IFT81: variants seen among roughly 807,000 people sequenced by gnomAD.
The protein encoded by IFT81 is intraflagellar transport 81.
Under a neutral mutation model 102.6 loss-of-function variants are expected in IFT81, and 72 were observed. The ratio of observed to expected loss-of-function variants is 0.70; its 90% CI spans 0.58 to 0.85. The LOEUF (loss-of-function observed/expected upper bound fraction) is 0.85, where lower values mean the gene tolerates loss of function less well. IFT81 is among the 40% of genes least tolerant of loss of function. The pLI is 0.00. For missense variants in IFT81, 723 were observed against 787.3 expected (o/e 0.92, Z 0.98); for synonymous variants, 237 against 242.7 (o/e 0.98, Z 0.22).
At chr12:110,200,244 A>G (rs1273960406) in intron 14 of IFT81, among the ~76,000 whole-genome samples, 1 of 152,224 alleles carries the variant, frequency 6.6e-6, no homozygotes, top group East Asian at 1.9e-4. Flanking sequence ...CAAACACCAT[A>G]GAGTGTACTT....
chr12:110,176,634 A>G (rs1183027712), intron 11 of IFT81, among the ~76,000 whole-genome samples: 2 of 152,214 alleles, frequency 1.3e-5, no homozygotes, highest in African/African-American at 4.8e-5. Flanking sequence ...GGAAGAAAAA[A>G]CATTGATAAT....
intron 10 of IFT81, among the ~76,000 whole-genome samples, chr12:110,150,890 C>T (rs1034519556): frequency 1.3e-5 from 2 of 152,104 alleles, no homozygotes; most frequent in African/African-American, 4.8e-5. Flanking sequence ...ACTCATATCT[C>T]ACTTCTTAGG....
chr12:110,136,797 T>C lies in IFT81; in HGVS notation c.718T>C (p.Leu240=), dbSNP rs1164392600. 1 of 1,611,590 alleles carries C rather than the reference T, an allele frequency of 6.2e-7. No homozygotes were observed. Among genetic ancestry groups the C allele is most frequent in the Admixed American group, 1.7e-5 (1 of 59,926 alleles). The change falls in exon 8 of 19, where the codon TTG becomes CTG. Residue 240 remains leucine (L), a synonymous_variant. Transcript: ENST00000242591. ...AAAGCTATTTCATGCAGTGCAAAGA[T>C]TGCAAAGAGTACAAAACCAGCTGAA... ...KNQLFHAVQR[L]QRVQNQLKSM...
chr12:110,126,235 G>A (rs1054594996), intron 1 of IFT81, among the ~76,000 whole-genome samples: 19 of 147,894 alleles, frequency 1.3e-4, no homozygotes, highest in Admixed American at 9.0e-4. Context: ...CCAAGATCGC[G>A]CCACTGCACT....
rs139843179 is a variant in IFT81, at chr12:110,167,280, C to A, written c.1188+4215C>A. Among the ~76,000 whole-genome samples, 221 of 152,204 alleles carry A rather than the reference C, an allele frequency of 1.5e-3. 1 individual carries two copies. The highest frequency in any genetic ancestry group is 5.1e-3 in the African/African-American group (213 of 41,536). Reference sequence around the variant, plus strand: ...AACATTTTATTTTCATAAAGTAAGGCAGTACACAGGAATAAGCACAGGCAT... The same window carrying A: ...AACATTTTATTTTCATAAAGTAAGGAAGTACACAGGAATAAGCACAGGCAT... On this transcript the variant is annotated intron_variant, in intron 11 of 18. Coordinates refer to ENST00000242591, the MANE Select transcript of IFT81 (RefSeq NM_014055.4).
intron 11 of IFT81, 80 bp downstream of exon 11, chr12:110,163,145 G>A (rs954703748): frequency 2.7e-6 from 3 of 1,098,620 alleles, no homozygotes; most frequent in African/African-American, 3.1e-5. Context: ...CTTTCTTAGT[G>A]TGAATGTTAA....
intron 8 of IFT81, among the ~76,000 whole-genome samples, chr12:110,140,243 G>A (rs1894806432): frequency 6.6e-6 from 1 of 152,122 alleles, no homozygotes; most frequent in Non-Finnish European, 1.5e-5. Context: ...CACACATTAA[G>A]TATTTGTCTG....
intron 10 of IFT81, among the ~76,000 whole-genome samples, chr12:110,154,907 GTTGT>G (rs1361794156): frequency 6.6e-6 from 1 of 151,182 alleles, no homozygotes; most frequent in South Asian, 2.1e-4. Context: ...GATTTATTTT[GTTGT>G]TTAAGTCCTG....
chr12:110,218,100 A>G lies in IFT81; in HGVS notation c.1905A>G (p.Gln635=), dbSNP rs1870369991. The G allele has an allele frequency of 6.2e-7, 1 of 1,605,324 alleles. No individual in the cohort carries two copies. Among genetic ancestry groups the G allele is most frequent in the Non-Finnish European group, 8.5e-7 (1 of 1,177,702 alleles). The change falls in exon 19 of 19, where the codon CAA becomes CAG. Residue 635 remains glutamine (Q), a synonymous_variant. Transcript: ENST00000242591. ...AAAGTCATGGTCCAAATATGAAACA[A>G]GCAAAAATGTGGCGTGATTTGGAAC... is the stretch of plus-strand genomic sequence containing the variant. ...IRESHGPNMK[Q]AKMWRDLEQL...
chr12:110,198,058 TGTTA>T (rs1377397633), intron 14 of IFT81, among the ~76,000 whole-genome samples: 3 of 152,232 alleles, frequency 2.0e-5, no homozygotes, highest in Non-Finnish European at 4.4e-5. Context: ...TTATGGTGGT[TGTTA>T]GTATTATAAT....
At chr12:110,155,815 C>G (rs1421756211) in intron 10 of IFT81, among the ~76,000 whole-genome samples, 1 of 151,606 alleles carries the variant, frequency 6.6e-6, no homozygotes, top group Non-Finnish European at 1.5e-5. Flanking sequence ...TGTTTAAATT[C>G]CTTTCTCATT....
intron 14 of IFT81, among the ~76,000 whole-genome samples, chr12:110,196,268 T>C (rs986138735): frequency 5.9e-5 from 9 of 152,158 alleles, no homozygotes; most frequent in African/African-American, 1.9e-4. Context: ...CCTGTAATCC[T>C]AGCACTTTGG....
chr12:110,151,844 T>C (rs1435514582), intron 10 of IFT81, among the ~76,000 whole-genome samples: 3 of 152,188 alleles, frequency 2.0e-5, no homozygotes, highest in Non-Finnish European at 2.9e-5. Flanking sequence ...ACCACCATTC[T>C]ACTCTTCTGC....
rs1042366244 is a variant in IFT81, at chr12:110,172,282, TTGCCTCTGCCTCTGCCTC to T, written c.1189-8127_1189-8110del. Among the ~76,000 whole-genome samples, 55 of 151,780 alleles carry T rather than the reference TTGCCTCTGCCTCTGCCTC, an allele frequency of 3.6e-4. 1 individual carries two copies. Among genetic ancestry groups the T allele is most frequent in the African/African-American group, 1.2e-3 (48 of 41,382 alleles). The stretch of plus-strand genomic sequence containing the variant: ...CTGTCTCCACTAAAAATAGAAAAAT[TTGCCTCTGCCTCTGCCTC>T]TGCCTCTGCCTCCTCTGCCTCCTCT... On this transcript the variant is annotated intron_variant, in intron 11 of 18. Transcript: ENST00000242591.
chr12:110,147,733 C>G (rs927338408), intron 10 of IFT81, among the ~76,000 whole-genome samples: 1 of 152,190 alleles, frequency 6.6e-6, no homozygotes, highest in Non-Finnish European at 1.5e-5. Context: ...AATAAACCCT[C>G]ATGTGTCCCT....
intron 4 of IFT81, among the ~76,000 whole-genome samples, chr12:110,129,529 T>G (rs904813300): frequency 7.2e-5 from 11 of 152,130 alleles, no homozygotes; most frequent in African/African-American, 2.7e-4. Flanking sequence ...TGGTTTAAAT[T>G]GACACTATCC....
intron 10 of IFT81, among the ~76,000 whole-genome samples, chr12:110,149,752 C>T (rs1895416128): frequency 6.6e-6 from 1 of 152,220 alleles, no homozygotes; most frequent in African/African-American, 2.4e-5. Flanking sequence ...CTAGGTCAGT[C>T]AGTGGCCTGC....
intron 14 of IFT81, among the ~76,000 whole-genome samples, chr12:110,195,234 T>TG (rs1296948722): frequency 6.6e-6 from 1 of 152,174 alleles, no homozygotes; most frequent in Non-Finnish European, 1.5e-5. Context: ...CTCATGTGTG[T>TG]GTGTTCTGGC....
intron 10 of IFT81, among the ~76,000 whole-genome samples, chr12:110,156,847 A>G (rs1895867883): frequency 6.6e-6 from 1 of 152,100 alleles, no homozygotes; most frequent in Non-Finnish European, 1.5e-5. Context: ...TTCTTGGTTG[A>G]CAATTCTTTC....
Sources: gnomAD v4.1 joint callset for allele counts (sites outside exome capture counted in the v4.1 genomes callset) on GRCh38, gnomAD v4.1.1 for gene constraint, MANE v1.5 for transcripts, NCBI Gene and HGNC (gene_info 2026-07-23, HGNC 2026-07-21) for gene names.